Variants in DPP6 observed in about 807,000 individuals in gnomAD.
DPP6 encodes A-type potassium channel modulatory protein DPP6.
A neutral mutation model predicts 122.6 loss-of-function variants in DPP6; 69 were observed. The ratio of observed to expected loss-of-function variants is 0.56; its 90% CI spans 0.46 to 0.69. The LOEUF (loss-of-function observed/expected upper bound fraction) is 0.69, where lower values mean the gene tolerates loss of function less well. Among genes scored for constraint, DPP6 ranks in the 30% least tolerant of loss-of-function variants. The probability of loss-of-function intolerance (pLI) is 0.00; values close to 1 mark genes in which losing one functional copy is unlikely to be tolerated. For missense variants in DPP6, 928 were observed against 1,116.9 expected (o/e 0.83, Z 2.41); for synonymous variants, 418 against 433.1 (o/e 0.97, Z 0.43).
At chr7:154,019,761 A>G (rs1021902409) in intron 1 of DPP6, among the ~76,000 whole-genome samples, 8 of 152,364 alleles carry the variant, frequency 5.3e-5, no homozygotes, top group African/African-American at 1.7e-4. Flanking sequence ...CTTACAAATC[A>G]TGACCCAAAA....
At chr7:154,825,045 T>G (rs1221535300) in intron 16 of DPP6, among the ~76,000 whole-genome samples, 1 of 152,246 alleles carries the variant, frequency 6.6e-6, no homozygotes, top group African/African-American at 2.4e-5. Flanking sequence ...CCCATTACAA[T>G]TTGAAAAATA....
At chr7:154,699,324 T>G (rs1033382261) in intron 7 of DPP6, among the ~76,000 whole-genome samples, 1 of 152,206 alleles carries the variant, frequency 6.6e-6, no homozygotes, top group Admixed American at 6.5e-5. Flanking sequence ...TGAAAATTCA[T>G]TCACTTCTTT....
chr7:154,303,725 G>A (rs961640156), intron 1 of DPP6, among the ~76,000 whole-genome samples: 1 of 152,082 alleles, frequency 6.6e-6, no homozygotes, highest in Non-Finnish European at 1.5e-5. Flanking sequence ...TTTACCCCTG[G>A]CCGAACCATG....
At chr7:154,147,446 TTTCCTTCCTTCC>T (rs200682495) in intron 1 of DPP6, among the ~76,000 whole-genome samples, 4,841 of 143,060 alleles carry the variant, frequency 0.034, 81 homozygotes, top group African/African-American at 0.058. Flanking sequence ...ACTTTATTCA[TTTCCTTCCTTCC>T]TTCCTTCCTT....
intron 1 of DPP6, among the ~76,000 whole-genome samples, chr7:154,107,218 G>T (rs1391122463): frequency 6.6e-6 from 1 of 152,206 alleles, no homozygotes; most frequent in Non-Finnish European, 1.5e-5. Flanking sequence ...GATAAGAAAC[G>T]TGTGGTGTAT....
intron 1 of DPP6, among the ~76,000 whole-genome samples, chr7:153,936,750 G>A (rs1585056850): frequency 1.3e-5 from 2 of 152,094 alleles, no homozygotes; most frequent in Admixed American, 6.5e-5. Flanking sequence ...GGTGGAGCTT[G>A]CAGTGAGCCG....
intron 1 of DPP6, chr7:153,887,874 C>G (rs931810379): frequency 7.6e-6 from 7 of 922,302 alleles, no homozygotes; most frequent in Non-Finnish European, 1.1e-5. Context: ...GCGCTTCTCC[C>G]ACTTCCCACC....
intron 4 of DPP6, among the ~76,000 whole-genome samples, chr7:154,558,108 C>T (rs1275396180): frequency 6.6e-6 from 1 of 151,880 alleles, no homozygotes; most frequent in Non-Finnish European, 1.5e-5. Flanking sequence ...ACCCCTCCAC[C>T]CCCCCACAGG....
chr7:154,768,259 T>G (rs1446380125), intron 8 of DPP6, among the ~76,000 whole-genome samples: 2 of 152,238 alleles, frequency 1.3e-5, no homozygotes, highest in East Asian at 1.9e-4. Flanking sequence ...GTGGGCTGCT[T>G]CTTCCCTGTC....
At chr7:154,046,593 G>A (rs1800027708) in intron 1 of DPP6, among the ~76,000 whole-genome samples, 1 of 152,198 alleles carries the variant, frequency 6.6e-6, no homozygotes, top group Non-Finnish European at 1.5e-5. Flanking sequence ...TACTCAGACT[G>A]TCCCACTGAA....
the DPP6 span, among the ~76,000 whole-genome samples, chr7:153,812,521 T>C: frequency 5.9e-5 from 9 of 152,040 alleles, no homozygotes; most frequent in Non-Finnish European, 1.3e-4. Context: ...AATACGAGAA[T>C]TTTCTGGGTG....
chr7:154,343,615 C>T lies in DPP6; in HGVS notation c.244-102599C>T, dbSNP rs1810118994. Among the ~76,000 whole-genome samples, 5 of 152,232 alleles carry T rather than the reference C, an allele frequency of 3.3e-5. No homozygotes were observed. In the South Asian group the frequency reaches 1.0e-3, roughly 31 times the overall value. On this transcript the variant is annotated intron_variant, in intron 1 of 25. Transcript: ENST00000377770. ...TTTGTTTTTGAAACAGAGTCTTTCT[C>T]TGTCACCCTGGCTGGAGTGCAATGG...
chr7:154,752,664 A>G (rs925540267), intron 8 of DPP6, among the ~76,000 whole-genome samples: 2 of 152,134 alleles, frequency 1.3e-5, no homozygotes, highest in Admixed American at 1.3e-4. Context: ...ATTAACATCT[A>G]AGGAACACTA....
chr7:153,845,731 T>G, the DPP6 span, among the ~76,000 whole-genome samples: 1 of 152,116 alleles, frequency 6.6e-6, no homozygotes, highest in African/African-American at 2.4e-5. Context: ...TCTATTTCTG[T>G]TCTCTTGTGG....
At chr7:154,246,723 T>C (rs1802006295) in intron 1 of DPP6, among the ~76,000 whole-genome samples, 1 of 152,168 alleles carries the variant, frequency 6.6e-6, no homozygotes, top group Admixed American at 6.5e-5. Flanking sequence ...AGTCCAGAAT[T>C]AGACATACAC....
chr7:154,362,822 C>T (rs1025805445), intron 1 of DPP6, among the ~76,000 whole-genome samples: 3 of 152,184 alleles, frequency 2.0e-5, no homozygotes, highest in African/African-American at 7.2e-5. Flanking sequence ...CCATTCAAGG[C>T]CACCTGGGCT....
chr7:154,332,534 C>T (rs553372491), intron 1 of DPP6, among the ~76,000 whole-genome samples: 2 of 152,320 alleles, frequency 1.3e-5, no homozygotes, highest in Non-Finnish European at 2.9e-5. Context: ...TGGGTAGCAA[C>T]GTTTGGGGTC....
intron 3 of DPP6, among the ~76,000 whole-genome samples, chr7:154,522,046 C>A (rs150477858): frequency 0.02 from 3,014 of 152,238 alleles, 45 homozygotes; most frequent in Non-Finnish European, 0.032. Flanking sequence ...CTACTGCAAG[C>A]TCCACCTCCC....
chr7:153,814,808 G>A, the DPP6 span, among the ~76,000 whole-genome samples: 4 of 149,442 alleles, frequency 2.7e-5, no homozygotes, highest in Non-Finnish European at 4.5e-5. Flanking sequence ...TTCAATATAC[G>A]CAAATCAATA....
Sources: allele counts gnomAD v4.1 joint callset (sites outside exome capture counted in the v4.1 genomes callset), GRCh38; gene constraint gnomAD v4.1.1; transcripts MANE v1.5; gene names NCBI Gene and HGNC (gene_info 2026-07-23, HGNC 2026-07-21).